Variants in CD226 observed in about 807,000 individuals in gnomAD.
The protein encoded by CD226 is CD226 antigen.
A neutral mutation model predicts 34.9 loss-of-function variants in CD226; 24 were observed. That is an observed-to-expected ratio of 0.69 (90% CI 0.50 to 0.97). The LOEUF (loss-of-function observed/expected upper bound fraction) is 0.97. Among genes scored for constraint, CD226 ranks in the 50% least tolerant of loss-of-function variants. CD226 has a pLI of 0.00. For synonymous variants in CD226, 148 were observed against 147.4 expected (o/e 1.00, Z -0.03); for missense variants, 397 against 412.7 (o/e 0.96, Z 0.33).
rs1982692855 is a variant in CD226, at chr18:69,858,872, G to A, written c.*5442C>T. 1 of 151,796 alleles carries A rather than the reference G, an allele frequency of 6.6e-6. No individual in the cohort carries two copies. Among genetic ancestry groups the A allele is most frequent in the East Asian group, 1.9e-4 (1 of 5,136 alleles). 9.4% of individuals were successfully genotyped at this position (151,796 alleles called of 1,614,324 possible). On this transcript the variant is annotated 3_prime_UTR_variant, in exon 6 of 6. Transcript: ENST00000582621. ...AGCCTCCCAAGTAGCTGGGACTACA[G>A]GTGCGTGCCACCAGGCCTGGCTAAT...
At chr18:69,913,251 G>C (rs2055347484) in intron 2 of CD226, among the ~76,000 whole-genome samples, 2 of 152,090 alleles carry the variant, frequency 1.3e-5, no homozygotes, top group South Asian at 4.1e-4. Flanking sequence ...GGATATCATA[G>C]AAAGAAAAAT....
At position 69,895,967 on chromosome 18, in the gene CD226, G is replaced by C. The variant is rs774187083; in HGVS notation, c.461C>G (p.Pro154Arg). 1 of 1,614,076 alleles carries C rather than the reference G, an allele frequency of 6.2e-7. No individual in the cohort carries two copies. The highest frequency in any genetic ancestry group is 8.5e-7 in the Non-Finnish European group (1 of 1,180,022). The change falls in exon 3 of 6, where the codon CCT becomes CGT. Residue 154 changes from proline to arginine, a missense_variant. Physicochemically the swap from Pro to Arg is moderately radical, Grantham distance 103 (BLOSUM62 -2). Transcript: ENST00000582621. ...TGCCTGCACAGGCCACGTCATCTGA[G>C]GCTGACAAGTGAGTGTGACATTCTT... The part of the protein sequence containing the change: ...PGKNVTLTCQ[P>R]QMTWPVQAVR...
Position 69,861,554 on chromosome 18 carries a change from G to GTATATATATATATATATATATATATATA in CD226, c.*2759_*2760insTATATATATATATATATATATATATATA, listed in dbSNP as rs112148497. 5.4e-4 allele frequency: 69 copies of GTATATATATATATATATATATATATATA among 127,852 alleles called. 1 individual carries two copies. Among genetic ancestry groups the GTATATATATATATATATATATATATATA allele is most frequent in the South Asian group, 1.2e-3 (5 of 4,020 alleles). 7.9% of individuals were successfully genotyped at this position (127,852 alleles called of 1,614,324 possible). Reference sequence around the variant, plus strand: ...ATAAATTATATGTGTATATATATATGTATATATATATATATATATGTAAAA... The same window carrying GTATATATATATATATATATATATATATA: ...ATAAATTATATGTGTATATATATATGTATATATATATATATATATATATATATATATATATATATATATATATGTAAAA... On this transcript the variant is annotated 3_prime_UTR_variant, in exon 6 of 6. Transcript: ENST00000582621.
intron 2 of CD226, among the ~76,000 whole-genome samples, chr18:69,908,955 CCTTATCCTGTGATGCCA>C (rs933897599): frequency 1.3e-5 from 2 of 152,202 alleles, no homozygotes; most frequent in African/African-American, 2.4e-5. Context: ...TGTGATGCCA[CCTTATCCTGTGATGCCA>C]CTTATCCTGT....
intron 3 of CD226, among the ~76,000 whole-genome samples, chr18:69,889,263 A>G (rs1984743216): frequency 6.6e-6 from 1 of 151,936 alleles, no homozygotes; most frequent in Admixed American, 6.6e-5. Context: ...GTGCTCTGGG[A>G]TTCTGGTCGT....
chr18:69,930,463 G>T (rs140105297), intron 2 of CD226, among the ~76,000 whole-genome samples: 1 of 152,114 alleles, frequency 6.6e-6, no homozygotes, highest in African/African-American at 2.4e-5. Context: ...CCAGGTAGAA[G>T]TGAAAAACTA....
upstream of CD226, among the ~76,000 whole-genome samples, chr18:69,949,021 C>T (rs112421362): frequency 7.2e-5 from 11 of 152,236 alleles, no homozygotes; most frequent in South Asian, 2.1e-4. Context: ...AAAACAGAGG[C>T]GTGACAATGC....
At chr18:69,900,443 A>G (rs564861512) in intron 2 of CD226, among the ~76,000 whole-genome samples, 5 of 152,246 alleles carry the variant, frequency 3.3e-5, no homozygotes, top group African/African-American at 1.2e-4. Context: ...TTTTTTAAAA[A>G]TTTTTCTGGC....
At chr18:69,878,649 G>T (rs1285071727) in intron 3 of CD226, among the ~76,000 whole-genome samples, 1 of 152,128 alleles carries the variant, frequency 6.6e-6, no homozygotes, top group Non-Finnish European at 1.5e-5. Context: ...GCGTTAGGCT[G>T]GAAACTGCAA....
At chr18:69,904,290 A>C (rs948101063) in intron 2 of CD226, among the ~76,000 whole-genome samples, 3 of 152,234 alleles carry the variant, frequency 2.0e-5, no homozygotes, top group Non-Finnish European at 4.4e-5. Flanking sequence ...ATCCATATTA[A>C]GAGATGATTT....
At chr18:69,952,146 C>G (rs1193800664), upstream of CD226, among the ~76,000 whole-genome samples, 1 of 152,040 alleles carries the variant, frequency 6.6e-6, no homozygotes, top group Non-Finnish European at 1.5e-5. Flanking sequence ...ACCGGGAAGC[C>G]ATTATATTAA....
intron 1 of CD226, among the ~76,000 whole-genome samples, chr18:69,955,499 CCTT>C (rs1274541790): frequency 2.6e-5 from 4 of 152,156 alleles, no homozygotes; most frequent in African/African-American, 7.2e-5. Context: ...TCCCTCCACT[CCTT>C]CTCAGATGCG....
At chr18:69,879,141 G>A (rs138328475) in intron 3 of CD226, among the ~76,000 whole-genome samples, 71 of 152,288 alleles carry the variant, frequency 4.7e-4, no homozygotes, top group African/African-American at 1.3e-3. Context: ...GAGGCAGAGC[G>A]AGATCACAGG....
At chr18:69,884,339 T>C (rs1396229115) in intron 3 of CD226, among the ~76,000 whole-genome samples, 2 of 152,290 alleles carry the variant, frequency 1.3e-5, no homozygotes, top group South Asian at 2.1e-4. Flanking sequence ...CAGAATGGCA[T>C]TGAGAAACAC....
In CD226 at chr18:69,861,554, G is replaced by GTATATATATATATATATATATATGTA; in HGVS notation, c.*2759_*2760insTACATATATATATATATATATATATA. 1 of 127,948 alleles carries GTATATATATATATATATATATATGTA rather than the reference G, an allele frequency of 7.8e-6. No individual in the cohort carries two copies. Among genetic ancestry groups the GTATATATATATATATATATATATGTA allele is most frequent in the Non-Finnish European group, 1.7e-5 (1 of 60,364 alleles). 7.9% of individuals were successfully genotyped at this position (127,948 alleles called of 1,614,324 possible). A position where few individuals can be genotyped will look rare whatever the true frequency, so the allele number is the denominator to read the frequency against. On this transcript the variant is annotated 3_prime_UTR_variant, in exon 6 of 6. Coordinates refer to ENST00000582621, the MANE Select transcript of CD226 (RefSeq NM_001303618.2). ...ATAAATTATATGTGTATATATATAT[G>GTATATATATATATATATATATATGTA]TATATATATATATATATATGTAAAA...
chr18:69,950,971 TTGTGTGTGTGTGTGTGTG>T (rs57098005), upstream of CD226, among the ~76,000 whole-genome samples: 8 of 132,606 alleles, frequency 6.0e-5, no homozygotes, highest in South Asian at 2.8e-4. Context: ...AACTATGATT[TTGTGTGTGTGTGTGTGTG>T]TGTGTGTGTG....
intron 5 of CD226, among the ~76,000 whole-genome samples, chr18:69,864,859 T>C (rs1413309659): frequency 6.6e-6 from 1 of 152,182 alleles, no homozygotes; most frequent in Non-Finnish European, 1.5e-5. Context: ...TCTACCGTAA[T>C]CAAGTCACTT....
At chr18:69,870,272 C>CCTT (rs1555677016) in intron 4 of CD226, among the ~76,000 whole-genome samples, 6 of 124,094 alleles carry the variant, frequency 4.8e-5, no homozygotes, top group African/African-American at 1.8e-4. Flanking sequence ...TTGGCTCCCC[C>CCTT]TTTTTTTTTT....
At chr18:69,868,897 G>C (rs1199140434) in intron 4 of CD226, among the ~76,000 whole-genome samples, 1 of 152,160 alleles carries the variant, frequency 6.6e-6, no homozygotes, top group African/African-American at 2.4e-5. Flanking sequence ...ATGGAACTTA[G>C]AGTCAAATGA....
Sources: allele counts gnomAD v4.1 joint callset (sites outside exome capture counted in the v4.1 genomes callset), GRCh38; gene constraint gnomAD v4.1.1; transcripts MANE v1.5; gene names NCBI Gene and HGNC (gene_info 2026-07-23, HGNC 2026-07-21).